SIRT4: variants seen among roughly 807,000 people sequenced by gnomAD.
SIRT4 encodes the protein NAD-dependent protein lipoamidase sirtuin-4, mitochondrial.
Under a neutral mutation model 26.1 loss-of-function variants are expected in SIRT4, and 23 were observed. The observed-to-expected ratio is 0.88, with a 90% CI of 0.63 to 1.25. The LOEUF is 1.25. Ranked by LOEUF, SIRT4 falls within the 50% of genes most tolerant of loss-of-function variation. SIRT4 has a pLI of 0.00. For missense variants in SIRT4, 361 were observed against 405.4 expected, an observed-to-expected ratio of 0.89 and a Z score of 0.94; for synonymous variants, 155 against 158.4, an observed-to-expected ratio of 0.98 and a Z score of 0.16.
At chr12:120,307,319 G>A (rs189824974) in intron 2 of SIRT4, among the ~76,000 whole-genome samples, 3 of 152,132 alleles carry the variant, frequency 2.0e-5, no homozygotes, top group African/African-American at 7.2e-5. Context: ...TCGAAACCCA[G>A]TCTCTACTAA....
the SIRT4 span, among the ~76,000 whole-genome samples, chr12:120,296,340 C>T: frequency 4.6e-5 from 7 of 151,540 alleles, no homozygotes; most frequent in East Asian, 1.4e-3. Flanking sequence ...GCCTCAGCCT[C>T]CCGAGTAGCT....
At chr12:120,304,836 T>TATA (rs1491279066) in intron 2 of SIRT4, among the ~76,000 whole-genome samples, 26 of 6,388 alleles carry the variant, frequency 4.1e-3, no homozygotes, top group African/African-American at 8.3e-3. Context: ...TATATATATA[T>TATA]TTTTTTTTTT....
chr12:120,308,634 G>A (rs551898895), intron 2 of SIRT4, among the ~76,000 whole-genome samples: 6 of 152,298 alleles, frequency 3.9e-5, no homozygotes, highest in African/African-American at 1.4e-4. Context: ...AAACCAGATT[G>A]TCTGGGAAAG....
chr12:120,291,813 T>G, the SIRT4 span: 1 of 152,182 alleles, frequency 6.6e-6, no homozygotes, highest in African/African-American at 2.4e-5. Context: ...TTTCAAGTCG[T>G]CATGGCGGGG....
chr12:120,298,938 A>AATAAATAAATAAATAC (rs1872439261), upstream of SIRT4, among the ~76,000 whole-genome samples: 1 of 134,126 alleles, frequency 7.5e-6, no homozygotes, highest in Non-Finnish European at 1.6e-5. Flanking sequence ...TAAATAAATA[A>AATAAATAAATAAATAC]ATAAATAGCC....
At chr12:120,298,909 A>AAATG (rs1872436103), upstream of SIRT4, among the ~76,000 whole-genome samples, 64 of 7,526 alleles carry the variant, frequency 8.5e-3, 2 homozygotes, top group South Asian at 0.24. Context: ...CCGTCTCAAA[A>AAATG]AATAAATAAA....
chr12:120,293,536 T>C, the SIRT4 span, among the ~76,000 whole-genome samples: 2 of 152,222 alleles, frequency 1.3e-5, no homozygotes, highest in South Asian at 2.1e-4. Context: ...TTCACTTGGC[T>C]CCAGATTCAG....
chr12:120,292,940 C>CAGGTA, the SIRT4 span, among the ~76,000 whole-genome samples: 1 of 152,184 alleles, frequency 6.6e-6, no homozygotes, highest in Admixed American at 6.6e-5. Flanking sequence ...ATCACTAAAA[C>CAGGTA]AGGTAAACTT....
chr12:120,296,586 C>T, the SIRT4 span, among the ~76,000 whole-genome samples: 1 of 147,500 alleles, frequency 6.8e-6, no homozygotes, highest in African/African-American at 2.5e-5. Flanking sequence ...CGGCTCAGTG[C>T]AGCCTAAATC....
intron 2 of SIRT4, among the ~76,000 whole-genome samples, chr12:120,311,048 TAAAAAAAAAAAAAA>T (rs761606021): frequency 1.4e-5 from 1 of 69,308 alleles, no homozygotes; most frequent in South Asian, 8.2e-4. Flanking sequence ...CCCTGTCTCT[TAAAAAAAAAAAAAA>T]AAAAAAAAAA....
the SIRT4 span, among the ~76,000 whole-genome samples, chr12:120,295,875 G>C: frequency 6.6e-6 from 1 of 151,434 alleles, no homozygotes; most frequent in Non-Finnish European, 1.5e-5. Context: ...CTGGTAACAT[G>C]GCGACATCCC....
At chr12:120,294,019 TGAGA>T in the SIRT4 span, among the ~76,000 whole-genome samples, 86 of 146,980 alleles carry the variant, frequency 5.9e-4, no homozygotes, top group Admixed American at 6.2e-4. Flanking sequence ...TTTTTTTTTT[TGAGA>T]TGGAGTTTTT....
In SIRT4 at chr12:120,302,607, G is replaced by C. The variant is rs149355355; in HGVS notation, c.-2+229G>C. On this transcript the variant is annotated intron_variant, in intron 1 of 3. Coordinates refer to ENST00000202967, the MANE Select transcript of SIRT4 (RefSeq NM_012240.3). ...AATGTCAAGGAGAAAGCGGGGTCCT[G>C]ATCTCAGATCTGGAAAGCCAAACAT... 1.0e-3 allele frequency among the ~76,000 whole-genome samples: 158 copies of C among 152,188 alleles called. 1 individual carries two copies. Among genetic ancestry groups the C allele is most frequent in the African/African-American group, 3.7e-3 (153 of 41,530 alleles).
the SIRT4 span, among the ~76,000 whole-genome samples, chr12:120,296,644 A>T: frequency 6.6e-6 from 1 of 150,828 alleles, no homozygotes; most frequent in Non-Finnish European, 1.5e-5. Flanking sequence ...GGTAGCTGGG[A>T]CTACAGGCAC....
At chr12:120,302,852 T>A (rs2136827224) in intron 1 of SIRT4, among the ~76,000 whole-genome samples, 1 of 151,716 alleles carries the variant, frequency 6.6e-6, no homozygotes, top group South Asian at 2.1e-4. Flanking sequence ...CCCTAGTAGC[T>A]GGGATTACGG....
chr12:120,296,502 GTGTT>G, the SIRT4 span, among the ~76,000 whole-genome samples: 3 of 135,188 alleles, frequency 2.2e-5, no homozygotes, highest in African/African-American at 8.6e-5. Flanking sequence ...AACTTGTTTT[GTGTT>G]TTTTTTTTTG....
At chr12:120,293,568 C>T in the SIRT4 span, among the ~76,000 whole-genome samples, 2 of 152,072 alleles carry the variant, frequency 1.3e-5, no homozygotes, top group East Asian at 1.9e-4. Flanking sequence ...TCTCCAAAGA[C>T]GATTATTGTT....
intron 2 of SIRT4, among the ~76,000 whole-genome samples, chr12:120,311,211 C>T (rs1371251982): frequency 1.8e-4 from 26 of 147,140 alleles, no homozygotes; most frequent in African/African-American, 5.8e-4. Context: ...CAAAATTAGC[C>T]GGGCGTGGTG....
chr12:120,299,747 T>C (rs1202321325), upstream of SIRT4, among the ~76,000 whole-genome samples: 3 of 152,112 alleles, frequency 2.0e-5, 1 homozygote, highest in Admixed American at 2.0e-4. Context: ...AGCACAATCA[T>C]ATCAAAGTTT....
Sources: allele counts gnomAD v4.1 joint callset (sites outside exome capture counted in the v4.1 genomes callset), GRCh38; gene constraint gnomAD v4.1.1; transcripts MANE v1.5; gene names NCBI Gene and HGNC (gene_info 2026-07-23, HGNC 2026-07-21).